Variants in PTBP2 observed in about 807,000 individuals in gnomAD.
The protein encoded by PTBP2 is polypyrimidine tract binding protein 2, also known as polypyrimidine tract-binding protein 2.
A neutral mutation model predicts 61.4 loss-of-function variants in PTBP2; 13 were observed. The observed-to-expected ratio is 0.21, with a 90% CI of 0.14 to 0.34. PTBP2 has a LOEUF of 0.34. PTBP2 is among the 10% of genes least tolerant of loss of function. The pLI, the probability that PTBP2 is intolerant of heterozygous loss-of-function variation, is 1.00. For missense variants in PTBP2, 405 were observed against 642.6 expected (o/e 0.63, Z 4.00); for synonymous variants, 215 against 218.5 (o/e 0.98, Z 0.14).
intron 13 of PTBP2, 35 bp from the exon 14 acceptor site, chr1:96,813,241 A>C: frequency 6.4e-7 from 1 of 1,573,994 alleles, no homozygotes. Context: ...TCTAATTTGT[A>C]TGAAGTGTCT....
At chr1:96,739,801 A>T (rs74358526) in intron 2 of PTBP2, among the ~76,000 whole-genome samples, 87,029 of 150,318 alleles carry the variant, frequency 0.58, 25,786 homozygotes, top group African/African-American at 0.71. Flanking sequence ...ATATATATAT[A>T]TTTTTTAGTA....
At chr1:96,741,647 A>T (rs1310312530) in intron 2 of PTBP2, among the ~76,000 whole-genome samples, 2 of 152,080 alleles carry the variant, frequency 1.3e-5, no homozygotes, top group African/African-American at 4.8e-5. Context: ...GTAAATTTTA[A>T]TGGGACATTT....
At chr1:96,820,147 T>A (rs1047400345) in exon 14 of PTBP2, 1 of 152,096 alleles carries the variant, frequency 6.6e-6, no homozygotes, top group African/African-American at 2.4e-5. Flanking sequence ...TGTTCACTTA[T>A]AAGGATTATG....
intron 2 of PTBP2, among the ~76,000 whole-genome samples, chr1:96,737,634 G>A (rs920665708): frequency 6.6e-6 from 1 of 152,094 alleles, no homozygotes; most frequent in Non-Finnish European, 1.5e-5. Flanking sequence ...AACAAGTAAT[G>A]ATGAGGAAAA....
chr1:96,725,118 G>A (rs1348209852), intron 2 of PTBP2, among the ~76,000 whole-genome samples: 1 of 152,144 alleles, frequency 6.6e-6, no homozygotes, highest in Non-Finnish European at 1.5e-5. Context: ...AATGGTAGAT[G>A]TTGTAGGTTC....
At chr1:96,791,016 G>GA (rs11342723) in intron 8 of PTBP2, among the ~76,000 whole-genome samples, 79 of 149,164 alleles carry the variant, frequency 5.3e-4, no homozygotes, top group East Asian at 3.9e-4. Flanking sequence ...ACATAATTGT[G>GA]AAAAAAAAAA....
chr1:96,750,662 A>T (rs1654427333), intron 2 of PTBP2, among the ~76,000 whole-genome samples: 1 of 152,032 alleles, frequency 6.6e-6, no homozygotes, highest in African/African-American at 2.4e-5. Flanking sequence ...TTTTTAAATC[A>T]GCCAGTATTA....
At chr1:96,771,020 T>C (rs927187756) in intron 5 of PTBP2, 169 bp downstream of exon 5, 1 of 533,708 alleles carries the variant, frequency 1.9e-6, no homozygotes, top group Non-Finnish European at 3.1e-6. Context: ...TACTATGTCA[T>C]TTTGAATTCC....
intron 3 of PTBP2, among the ~76,000 whole-genome samples, chr1:96,761,649 C>T (rs1208266516): frequency 6.6e-6 from 1 of 151,744 alleles, no homozygotes; most frequent in Non-Finnish European, 1.5e-5. Context: ...GAAGATGATG[C>T]CATTAACAAA....
At chr1:96,729,707 G>GT (rs1210558306) in intron 2 of PTBP2, among the ~76,000 whole-genome samples, 2 of 147,948 alleles carry the variant, frequency 1.4e-5, no homozygotes, top group Admixed American at 1.3e-4. Flanking sequence ...GAATGTATTT[G>GT]TGTAGAGTTG....
At position 96,723,430 on chromosome 1, in the gene PTBP2, A is replaced by AT. The variant is rs553569838; in HGVS notation, c.9-128dup. ...AGGTAAGTCACGGATCATCTGTGGT[A>AT]TTTTTTATCCCCATCTGTGTGTGAG... On this transcript the variant is annotated intron_variant, in intron 1 of 13. Transcript: ENST00000674951. 9.5e-5 allele frequency: 60 copies of AT among 632,760 alleles called. No homozygotes were observed. The African/African-American group carries it at 1.1e-3, about 11-fold the overall frequency. 39.2% of individuals were successfully genotyped at this position (632,760 alleles called of 1,614,324 possible).
chr1:96,766,588 A>T (rs1284689224), intron 3 of PTBP2, among the ~76,000 whole-genome samples: 1 of 152,118 alleles, frequency 6.6e-6, no homozygotes. Flanking sequence ...GTGTGTTTAT[A>T]TTTGAAAATA....
chr1:96,811,715 A>T (rs184595618), intron 11 of PTBP2, among the ~76,000 whole-genome samples: 1 of 152,136 alleles, frequency 6.6e-6, no homozygotes, highest in African/African-American at 2.4e-5. Flanking sequence ...CGCGCCCGGC[A>T]TCTACTGTTA....
At chr1:96,782,177 C>A (rs562302940) in intron 7 of PTBP2, among the ~76,000 whole-genome samples, 1 of 152,000 alleles carries the variant, frequency 6.6e-6, no homozygotes, top group Non-Finnish European at 1.5e-5. Context: ...TTAGGAATAT[C>A]TTTAGTTGAC....
At chr1:96,797,414 A>G (rs1660501472) in intron 8 of PTBP2, among the ~76,000 whole-genome samples, 1 of 152,230 alleles carries the variant, frequency 6.6e-6, no homozygotes, top group South Asian at 2.1e-4. Flanking sequence ...CCATAGGGCA[A>G]AATAAGAACT....
downstream of PTBP2, chr1:96,815,786 C>T (rs1441672456): frequency 6.6e-6 from 1 of 151,962 alleles, no homozygotes; most frequent in African/African-American, 2.4e-5. Flanking sequence ...GAAGAAGAAC[C>T]ATTAGAGTCA....
chr1:96,771,592 A>C (rs1001390248), intron 5 of PTBP2: 3 of 151,996 alleles, frequency 2.0e-5, no homozygotes, highest in African/African-American at 4.8e-5. Context: ...TAGGACTGAA[A>C]TTTCAGCTTT....
At chr1:96,722,432 C>T (rs1259259060) in intron 1 of PTBP2, among the ~76,000 whole-genome samples, 2 of 144,556 alleles carry the variant, frequency 1.4e-5, no homozygotes, top group Non-Finnish European at 3.0e-5. Flanking sequence ...TAGTGGGAGC[C>T]GCTGGGGAAG....
chr1:96,819,568 G>C (rs886656520), downstream of PTBP2: 26 of 151,728 alleles, frequency 1.7e-4, no homozygotes, highest in African/African-American at 5.3e-4. Context: ...CAACCAGTTA[G>C]ATTCTTTTTA....
Sources: gnomAD v4.1 joint callset for allele counts (sites outside exome capture counted in the v4.1 genomes callset) on GRCh38, gnomAD v4.1.1 for gene constraint, MANE v1.5 for transcripts, NCBI Gene and HGNC (gene_info 2026-07-23, HGNC 2026-07-21) for gene names.